The following MYOM2 variants were observed in gnomAD, a reference collection of about 807,000 sequenced individuals.
MYOM2 encodes the protein myomesin-2.
MYOM2 carries 254 observed loss-of-function variants against 187.6 expected under a neutral mutation model. The ratio of observed to expected loss-of-function variants is 1.35; its 90% confidence interval spans 1.22 to 1.50. MYOM2 has a LOEUF of 1.50. Ranked by LOEUF, MYOM2 falls within the 40% of genes most tolerant of loss-of-function variation. The pLI is 0.00. For synonymous variants in MYOM2, 981 were observed against 753.8 expected, an observed-to-expected ratio of 1.30 and a Z score of -4.94; for missense variants, 2,796 against 1,924.0, an observed-to-expected ratio of 1.45 and a Z score of -8.48.
At chr8:2,062,212 C>T (rs376569324) in intron 6 of MYOM2, among the ~76,000 whole-genome samples, 1 of 152,142 alleles carries the variant, frequency 6.6e-6, no homozygotes, top group Non-Finnish European at 1.5e-5. Context: ...ACCCCGTGGG[C>T]CATTGTAAGG....
chr8:2,086,444 T>TGTCGTGATCTCTGCGTGGCCTCCC (rs1297111608), intron 14 of MYOM2, among the ~76,000 whole-genome samples: 4 of 88,282 alleles, frequency 4.5e-5, no homozygotes, highest in South Asian at 3.4e-4. Context: ...CGTGGCCCCC[T>TGTCGTGATCTCTGCGTGGCCTCCC]ACTGTCGTGA....
chr8:2,100,731 C>A, intron 19 of MYOM2, 145 bp from the exon 20 acceptor site: 3 of 763,986 alleles, frequency 3.9e-6, no homozygotes, highest in Non-Finnish European at 4.3e-6. Context: ...GCAAGAGAGG[C>A]TGATAAACAT....
At chr8:2,086,908 G>T (rs1796111226) in intron 14 of MYOM2, among the ~76,000 whole-genome samples, 1 of 152,064 alleles carries the variant, frequency 6.6e-6, no homozygotes, top group African/African-American at 2.4e-5. Flanking sequence ...ACGCAGAAGG[G>T]TTAGACTCGC....
intron 1 of MYOM2, among the ~76,000 whole-genome samples, chr8:2,049,175 G>A (rs1818403750): frequency 6.6e-6 from 1 of 152,204 alleles, no homozygotes; most frequent in Non-Finnish European, 1.5e-5. Context: ...ACACGGCTGG[G>A]CCCTCCCAGG....
intron 32 of MYOM2, among the ~76,000 whole-genome samples, chr8:2,135,601 C>T (rs376508216): frequency 1.3e-5 from 2 of 152,124 alleles, no homozygotes; most frequent in East Asian, 1.9e-4. Context: ...GGAGCAGAAA[C>T]GTGTGCTTTC....
intron 27 of MYOM2, among the ~76,000 whole-genome samples, chr8:2,117,469 A>G (rs1330247662): frequency 3.3e-5 from 5 of 152,216 alleles, no homozygotes; most frequent in African/African-American, 1.2e-4. Context: ...TCTTTATCTC[A>G]TATCTATTCT....
chr8:2,079,657 T>G, intron 13 of MYOM2, 44 bp downstream of exon 13: 1 of 1,591,884 alleles, frequency 6.3e-7, no homozygotes, highest in Non-Finnish European at 8.6e-7. Context: ...CCCTGGGGAT[T>G]TGGAGTTGTA....
At chr8:2,099,553 T>C (rs1013434653) in intron 19 of MYOM2, among the ~76,000 whole-genome samples, 4 of 152,146 alleles carry the variant, frequency 2.6e-5, no homozygotes, top group African/African-American at 9.7e-5. Flanking sequence ...AAAGGCATCA[T>C]TGTTGCAGAC....
intron 17 of MYOM2, among the ~76,000 whole-genome samples, chr8:2,094,392 G>T (rs1273411939): frequency 6.6e-6 from 1 of 152,234 alleles, no homozygotes; most frequent in African/African-American, 2.4e-5. Context: ...AATGGCTCAT[G>T]CCTGTAATCG....
At chr8:2,142,499 G>T in intron 35 of MYOM2, 102 bp downstream of exon 35, 1 of 1,171,914 alleles carries the variant, frequency 8.5e-7, no homozygotes. Flanking sequence ...ATAATAACCA[G>T]CAATCCCCCA....
chr8:2,083,249 A>G (rs4876231), intron 13 of MYOM2, among the ~76,000 whole-genome samples: 41,245 of 152,180 alleles, frequency 0.27, 5,758 homozygotes, highest in East Asian at 0.34. Context: ...TGAGGGCAGC[A>G]TCAGTGCCCT....
rs750882030 is a variant in MYOM2 at position 2,059,176 on chromosome 8, G to T, written c.584G>T (p.Cys195Phe). The T allele has an allele frequency of 3.7e-6, 6 of 1,614,036 alleles. No homozygotes were observed. Among genetic ancestry groups the T allele is most frequent in the Middle Eastern group, 1.6e-4 (1 of 6,084 alleles). ...AGGTACAAAGATGGCAGTCTGATTT[G>T]CCAGGCGGCTGAACCGGGAAAGTAC... ...VQWYKDGSLICQAAEPGKYRI... is the reference protein window; with the variant it reads ...VQWYKDGSLIFQAAEPGKYRI... The change falls in exon 6 of 37, where the codon TGC becomes TTC. Residue 195 changes from cysteine (C) to phenylalanine (F), a missense_variant. Coordinates refer to ENST00000262113, the MANE Select transcript of MYOM2 (RefSeq NM_003970.4).
Position 2,076,172 on chromosome 8 carries a change from T to C in MYOM2, c.1152T>C (p.Gly384=). 1 of 1,612,978 alleles carries C rather than the reference T, an allele frequency of 6.2e-7. No homozygotes were observed. The highest frequency in any genetic ancestry group is 8.5e-7 in the Non-Finnish European group (1 of 1,179,824). ...ACCCGCTGGTCACAGGGGCCCCCGG[T>C]GCACCCATGGACTTGCAGTGCCACG... ...DADPLVTGAP[G]APMDLQCHDA... is the part of the protein sequence containing the mutation. Residue 384 remains glycine, a synonymous_variant, in exon 11 of 37, where the codon GGT becomes GGC. Coordinates refer to ENST00000262113, the MANE Select transcript of MYOM2 (RefSeq NM_003970.4).
intron 18 of MYOM2, chr8:2,097,165 A>G: frequency 1.1e-6 from 1 of 929,784 alleles, no homozygotes; most frequent in Non-Finnish European, 1.3e-6. Context: ...TAGAAGATCT[A>G]ATCTTTGTCT....
Position 2,144,952 on chromosome 8 carries a change from C to A in MYOM2, c.4369C>A (p.Pro1457Thr). The A allele has an allele frequency of 6.2e-7, 1 of 1,614,166 alleles. No homozygotes were observed. The highest frequency in any genetic ancestry group is 8.5e-7 in the Non-Finnish European group (1 of 1,180,038). ...CCAGCAAGCCAAGCCCAAGCTCATC[C>A]CCGCGTCTGCCTCAGCGGCAGGCCA... is the stretch of plus-strand genomic sequence containing the variant. Reference protein sequence around the residue: ...PPQQAKPKLIPASASAAGQ With the variant: ...PPQQAKPKLITASASAAGQ Residue 1457 changes from proline to threonine, a missense_variant, in exon 37 of 37, where the codon CCC (proline) becomes ACC (threonine). Physicochemically the swap from Pro to Thr is conservative, Grantham distance 38. Coordinates refer to ENST00000262113, the MANE Select transcript of MYOM2 (RefSeq NM_003970.4).
intron 25 of MYOM2, 149 bp downstream of exon 25, chr8:2,109,680 A>T (rs1025632475): frequency 7.1e-6 from 6 of 848,150 alleles, no homozygotes; most frequent in Middle Eastern, 6.7e-4. Context: ...AGATGAATGG[A>T]GATGGTTGAT....
chr8:2,141,613 G>A (rs1258964744), intron 34 of MYOM2, among the ~76,000 whole-genome samples: 1 of 152,162 alleles, frequency 6.6e-6, no homozygotes, highest in Admixed American at 6.5e-5. Context: ...GAGTTTTATT[G>A]TGAGGTTGGA....
chr8:2,077,298 G>A (rs887487565), intron 11 of MYOM2, among the ~76,000 whole-genome samples: 1 of 151,510 alleles, frequency 6.6e-6, no homozygotes, highest in East Asian at 1.9e-4. Context: ...AACACAGTGA[G>A]ACTCCACCAT....
chr8:2,140,953 G>T, intron 33 of MYOM2, 67 bp downstream of exon 33: 1 of 1,491,738 alleles, frequency 6.7e-7, no homozygotes, highest in Non-Finnish European at 9.1e-7. Context: ...GCTGAAGGGA[G>T]GGAATACAAT....
Sources: allele counts gnomAD v4.1 joint callset (sites outside exome capture counted in the v4.1 genomes callset), GRCh38; gene constraint gnomAD v4.1.1; transcripts MANE v1.5; gene names NCBI Gene and HGNC (gene_info 2026-07-23, HGNC 2026-07-21).